SCGB1D1: variants seen among roughly 807,000 people sequenced by gnomAD.
The protein encoded by SCGB1D1 is lipophilin A (uteroglobin family member).
SCGB1D1 carries 10 observed loss-of-function variants against 8.3 expected under a neutral mutation model. That is an observed-to-expected ratio of 1.21 (90% CI 0.74 to 2.05). SCGB1D1 has a LOEUF of 2.05. SCGB1D1 is among the 30% of genes most tolerant of loss of function. SCGB1D1 has a pLI of 0.00. For synonymous variants in SCGB1D1, 46 were observed against 41.7 expected, an observed-to-expected ratio of 1.10 and a Z score of -0.39; for missense variants, 94 against 105.1, an observed-to-expected ratio of 0.89 and a Z score of 0.46.
chr11:62,192,391 G>A (rs990835443), intron 2 of SCGB1D1, 148 bp downstream of exon 2: 1 of 664,836 alleles, frequency 1.5e-6, no homozygotes, highest in African/African-American at 1.8e-5. Context: ...TGGGACCACA[G>A]GGTGGGTGCT....
intron 1 of SCGB1D1, 122 bp from the exon 2 acceptor site, chr11:62,191,934 A>G: frequency 1.2e-6 from 1 of 835,696 alleles, no homozygotes; most frequent in Non-Finnish European, 1.8e-6. Flanking sequence ...TGACATTGTC[A>G]TTGGCATAGT....
At chr11:62,190,887 G>A (rs186281100) in intron 1 of SCGB1D1, among the ~76,000 whole-genome samples, 100 of 152,216 alleles carry the variant, frequency 6.6e-4, no homozygotes, top group Admixed American at 1.6e-3. Context: ...GTTACATCTC[G>A]AAGGATCCTT....
intron 2 of SCGB1D1, 48 bp from the exon 3 acceptor site, chr11:62,193,351 G>C (rs1335642346): frequency 6.4e-7 from 1 of 1,572,182 alleles, no homozygotes; most frequent in East Asian, 2.3e-5. Context: ...TTGTCTCCAG[G>C]AGCTGCATGA....
chr11:62,193,385 C>T lies in SCGB1D1; in HGVS notation c.244-14C>T. Reference sequence around the variant, plus strand: ...GACCGACCTCACCTTCCTTTCTTTCCTTTTCTATTTCAGGGAAAAATAGCA... The same window carrying T: ...GACCGACCTCACCTTCCTTTCTTTCTTTTTCTATTTCAGGGAAAAATAGCA... On this transcript the variant is annotated splice_polypyrimidine_tract_variant and intron_variant, in intron 2 of 2. Coordinates refer to ENST00000306238, the MANE Select transcript of SCGB1D1 (RefSeq NM_006552.2). The T allele has an allele frequency of 1.2e-6, 2 of 1,612,118 alleles. No individual in the cohort carries two copies. The highest frequency in any genetic ancestry group is 1.7e-6 in the Non-Finnish European group (2 of 1,179,144).
intron 1 of SCGB1D1, among the ~76,000 whole-genome samples, chr11:62,191,057 T>C (rs1322539114): frequency 2.0e-5 from 3 of 152,220 alleles, no homozygotes; most frequent in African/African-American, 7.2e-5. Context: ...ACTTCTATTT[T>C]TCTAAAATTA....
At chr11:62,192,469 C>T (rs1944685809) in intron 2 of SCGB1D1, among the ~76,000 whole-genome samples, 1 of 152,314 alleles carries the variant, frequency 6.6e-6, no homozygotes, top group Admixed American at 6.5e-5. Context: ...TCTCAGGTCA[C>T]CTACCTGGAT....
intron 2 of SCGB1D1, 33 bp from the exon 3 acceptor site, chr11:62,193,366 C>T: frequency 6.2e-7 from 1 of 1,608,806 alleles, no homozygotes; most frequent in Non-Finnish European, 8.5e-7. Flanking sequence ...GCATGACCGA[C>T]CTCACCTTCC....
At chr11:62,193,314 T>C in intron 2 of SCGB1D1, 85 bp from the exon 3 acceptor site, 1 of 1,266,166 alleles carries the variant, frequency 7.9e-7, no homozygotes, top group Non-Finnish European at 1.1e-6. Flanking sequence ...GGAGCAGAAT[T>C]CCATCGGCCA....
chr11:62,191,653 C>T (rs891456032), intron 1 of SCGB1D1, among the ~76,000 whole-genome samples: 1 of 152,202 alleles, frequency 6.6e-6, no homozygotes, highest in Non-Finnish European at 1.5e-5. Flanking sequence ...AGGATTCTGA[C>T]TCTACCATTC....
At chr11:62,191,450 G>T (rs1944677437) in intron 1 of SCGB1D1, among the ~76,000 whole-genome samples, 1 of 152,146 alleles carries the variant, frequency 6.6e-6, no homozygotes, top group Non-Finnish European at 1.5e-5. Context: ...ACAATTTCCT[G>T]TATAAGCTTC....
chr11:62,192,743 G>A (rs1292504441), intron 2 of SCGB1D1, among the ~76,000 whole-genome samples: 1 of 152,172 alleles, frequency 6.6e-6, no homozygotes, highest in Non-Finnish European at 1.5e-5. Context: ...CCAGGAAGGA[G>A]CCCCTCCCAG....
rs1471623152 is a variant in SCGB1D1, at chr11:62,190,267, A to C, written c.-18A>C. ...CTCATCATTGGTTAAAGCCGAGCTC[A>C]CAGCAGAATAAGCCACCATGAGGCT... On this transcript the variant is annotated 5_prime_UTR_variant, in exon 1 of 3. Transcript: ENST00000306238. 1 of 1,614,152 alleles carries C rather than the reference A, an allele frequency of 6.2e-7. No individual in the cohort carries two copies. The highest frequency in any genetic ancestry group is 1.1e-5 in the South Asian group (1 of 91,082).
At chr11:62,192,749 C>A (rs576385693) in intron 2 of SCGB1D1, among the ~76,000 whole-genome samples, 5 of 152,224 alleles carry the variant, frequency 3.3e-5, no homozygotes, top group Non-Finnish European at 7.3e-5. Flanking sequence ...AGGAGCCCCT[C>A]CCAGCTCCTC....
At chr11:62,192,284 C>T (rs372004292) in intron 2 of SCGB1D1, 41 bp downstream of exon 2, 34 of 1,547,134 alleles carry the variant, frequency 2.2e-5, no homozygotes, top group Middle Eastern at 1.8e-4. Context: ...TTCTGGTCAG[C>T]GGCACAGTGT....
chr11:62,190,854 T>C (rs1367520440), intron 1 of SCGB1D1, among the ~76,000 whole-genome samples: 1 of 152,206 alleles, frequency 6.6e-6, no homozygotes, highest in Non-Finnish European at 1.5e-5. Flanking sequence ...GCTTCTTACA[T>C]TGTAAATTCA....
chr11:62,190,553 A>G (rs560231682), intron 1 of SCGB1D1, among the ~76,000 whole-genome samples: 1 of 152,306 alleles, frequency 6.6e-6, no homozygotes, highest in African/African-American at 2.4e-5. Context: ...ATGCAGGCGA[A>G]CGTTAGGAAT....
At chr11:62,192,787 G>A (rs1304375376) in intron 2 of SCGB1D1, among the ~76,000 whole-genome samples, 1 of 152,126 alleles carries the variant, frequency 6.6e-6, no homozygotes, top group Non-Finnish European at 1.5e-5. Flanking sequence ...CCTCACCCAC[G>A]ATGCTCTCCT....
intron 2 of SCGB1D1, 44 bp from the exon 3 acceptor site, chr11:62,193,355 T>C (rs2232941): frequency 0.73 from 1,153,538 of 1,590,620 alleles, 423,963 homozygotes; most frequent in East Asian, 0.82. Context: ...CTCCAGGAGC[T>C]GCATGACCGA....
At position 62,193,434 on chromosome 11, in the gene SCGB1D1, A is replaced by G. The variant is rs758754645; in HGVS notation, c.*6A>G. The G allele has an allele frequency of 3.0e-5, 49 of 1,611,774 alleles. No homozygotes were observed. The highest frequency in any genetic ancestry group is 4.0e-5 in the Non-Finnish European group (47 of 1,178,508). ...CAGAGAAATGTGATCGCTGAGATGT[A>G]AAAAGTTTTTAATGCTAGTTTCCAC... On this transcript the variant is annotated 3_prime_UTR_variant, in exon 3 of 3. Coordinates refer to ENST00000306238, the MANE Select transcript of SCGB1D1 (RefSeq NM_006552.2).
Sources: gnomAD v4.1 joint callset for allele counts (sites outside exome capture counted in the v4.1 genomes callset) on GRCh38, gnomAD v4.1.1 for gene constraint, MANE v1.5 for transcripts, NCBI Gene and HGNC (gene_info 2026-07-23, HGNC 2026-07-21) for gene names.